DNM3: variants seen among roughly 807,000 people sequenced by gnomAD.
The protein encoded by DNM3 is dynamin-3.
Under a neutral mutation model 101.6 loss-of-function variants are expected in DNM3, and 47 were observed. That is an observed-to-expected ratio of 0.46 (90% CI 0.37 to 0.59). The LOEUF (loss-of-function observed/expected upper bound fraction) is 0.59, where lower values mean the gene tolerates loss of function less well. Ranked by LOEUF, DNM3 falls within the 20% of genes least tolerant of loss-of-function variation. DNM3 has a pLI of 0.00. For missense variants in DNM3, 849 were observed against 1,085.7 expected, an observed-to-expected ratio of 0.78 and a Z score of 3.06; for synonymous variants, 385 against 387.9, an observed-to-expected ratio of 0.99 and a Z score of 0.09.
At chr1:172,269,204 C>A (rs1214151396) in intron 15 of DNM3, among the ~76,000 whole-genome samples, 1 of 152,292 alleles carries the variant, frequency 6.6e-6, no homozygotes, top group East Asian at 1.9e-4. Context: ...CCCAACACGG[C>A]TATGTAAAGT....
chr1:172,079,367 T>C (rs1302782090), intron 11 of DNM3, among the ~76,000 whole-genome samples: 3 of 152,136 alleles, frequency 2.0e-5, no homozygotes, highest in Admixed American at 6.6e-5. Flanking sequence ...CTACATTAAG[T>C]TGATCTTCAA....
chr1:172,061,419 T>A (rs966746542), intron 10 of DNM3, among the ~76,000 whole-genome samples: 1 of 150,720 alleles, frequency 6.6e-6, no homozygotes, highest in Non-Finnish European at 1.5e-5. Context: ...TGCAGCACTA[T>A]TCACAATAGC....
intron 15 of DNM3, among the ~76,000 whole-genome samples, chr1:172,254,423 G>A (rs144291508): frequency 4.7e-4 from 71 of 152,178 alleles, no homozygotes; most frequent in African/African-American, 1.6e-3. Context: ...ATTCAGTTAT[G>A]GCAAATAAAA....
At chr1:172,375,711 T>C (rs145273127) in intron 17 of DNM3, among the ~76,000 whole-genome samples, 206 of 152,138 alleles carry the variant, frequency 1.4e-3, no homozygotes, top group African/African-American at 4.7e-3. Context: ...TTCCCTCACC[T>C]GTTAAAGTAG....
chr1:172,234,754 G>A (rs12402966), intron 14 of DNM3, among the ~76,000 whole-genome samples: 25,312 of 151,688 alleles, frequency 0.17, 2,481 homozygotes, highest in East Asian at 0.28. Context: ...TCTGATCTTC[G>A]ACACCTATTT....
intron 16 of DNM3, among the ~76,000 whole-genome samples, chr1:172,319,459 A>G (rs575861256): frequency 6.6e-6 from 1 of 152,310 alleles, no homozygotes; most frequent in African/African-American, 2.4e-5. Flanking sequence ...GCAAAATGGG[A>G]GAAAATTTTT....
At position 172,108,992 on chromosome 1, in the gene DNM3, A is replaced by G. The variant is rs116250962; in HGVS notation, c.1545+16117A>G. On this transcript the variant is annotated intron_variant, in intron 13 of 20. Coordinates refer to ENST00000627582, the MANE Select transcript of DNM3 (RefSeq NM_015569.5). ...ACTAAATATAGTCATCATAATTTAA[A>G]CAATTTCTAATGCCTATAATTATTA... is the stretch of plus-strand genomic sequence containing the variant. 8.3e-3 allele frequency among the ~76,000 whole-genome samples: 1,272 copies of G among 152,352 alleles called. 27 individuals are homozygous for G. Among genetic ancestry groups the G allele is most frequent in the African/African-American group, 0.029 (1,188 of 41,582 alleles).
At chr1:172,088,929 G>C (rs2053718110) in intron 12 of DNM3, among the ~76,000 whole-genome samples, 1 of 152,170 alleles carries the variant, frequency 6.6e-6, no homozygotes, top group Non-Finnish European at 1.5e-5. Flanking sequence ...TATTTTTATA[G>C]AAGTTTAAAC....
intron 14 of DNM3, among the ~76,000 whole-genome samples, chr1:172,250,607 A>T (rs2148677450): frequency 6.6e-6 from 1 of 152,266 alleles, no homozygotes; most frequent in African/African-American, 2.4e-5. Context: ...GGGACCTGGA[A>T]TAATGTTGTG....
At chr1:172,141,222 TGTAAGAGACCTTTGAAAATGA>T (rs1303252452) in intron 14 of DNM3, among the ~76,000 whole-genome samples, 1 of 152,144 alleles carries the variant, frequency 6.6e-6, no homozygotes, top group Non-Finnish European at 1.5e-5. Flanking sequence ...AAAAATTATT[TGTAAGAGACCTTTGAAAATGA>T]GTAAATATTT....
At chr1:171,875,813 C>CTTTTTTTTT (rs60523795) in intron 1 of DNM3, among the ~76,000 whole-genome samples, 1,781 of 104,466 alleles carry the variant, frequency 0.017, 244 homozygotes, top group African/African-American at 0.028. Flanking sequence ...AGTTGTCTCT[C>CTTTTTTTTT]TTTTTTTTTT....
intron 15 of DNM3, among the ~76,000 whole-genome samples, chr1:172,289,235 G>C (rs1231623638): frequency 2.0e-5 from 3 of 151,920 alleles, no homozygotes; most frequent in Non-Finnish European, 4.4e-5. Context: ...TAAAATCTAG[G>C]GAAAAAGGTA....
chr1:172,128,861 T>C (rs986903230), intron 13 of DNM3, among the ~76,000 whole-genome samples: 5 of 152,198 alleles, frequency 3.3e-5, no homozygotes, highest in African/African-American at 9.7e-5. Context: ...ACTTTATACA[T>C]CATGGCTTTA....
chr1:172,379,061 A>G lies in DNM3; in HGVS notation c.1937A>G (p.Asp646Gly). Residue 646 changes from aspartate (D) to glycine (G), a missense_variant, in exon 18 of 21, where the codon GAC becomes GGC. Transcript: ENST00000627582. ...ENGQAENFSMDPQLERQVETI... is the reference protein window; with the variant it reads ...ENGQAENFSMGPQLERQVETI... ...GGACAAGCAGAAAACTTTTCCATGG[A>G]CCCACAATTGGAGAGGCAAGTGGAG... 2 of 1,612,338 alleles carry G rather than the reference A, an allele frequency of 1.2e-6. No homozygotes were observed. The highest frequency in any genetic ancestry group is 2.2e-5 in the South Asian group (2 of 90,970).
intron 1 of DNM3, among the ~76,000 whole-genome samples, chr1:171,878,113 C>T (rs965856732): frequency 4.7e-5 from 6 of 126,680 alleles, no homozygotes; most frequent in Non-Finnish European, 1.7e-5. Context: ...AAATATAACA[C>T]ATGAAATAAT....
intron 17 of DNM3, among the ~76,000 whole-genome samples, chr1:172,327,238 G>A (rs1347995488): frequency 1.3e-5 from 2 of 152,136 alleles, no homozygotes; most frequent in East Asian, 3.8e-4. Context: ...AGTGGACAAG[G>A]TCAGCCTTCA....
intron 4 of DNM3, among the ~76,000 whole-genome samples, chr1:171,994,626 T>A (rs936037034): frequency 6.6e-6 from 1 of 152,156 alleles, no homozygotes; most frequent in African/African-American, 2.4e-5. Context: ...GATTCTAGGT[T>A]GTACATATAT....
At chr1:172,338,203 C>T (rs922442800) in intron 17 of DNM3, among the ~76,000 whole-genome samples, 1 of 152,168 alleles carries the variant, frequency 6.6e-6, no homozygotes, top group African/African-American at 2.4e-5. Flanking sequence ...GCGTGAGCCA[C>T]TGCACCCCGC....
chr1:172,049,829 A>AAT (rs2050080492), intron 10 of DNM3, among the ~76,000 whole-genome samples: 3 of 152,210 alleles, frequency 2.0e-5, no homozygotes. Context: ...TATGAATATT[A>AAT]GTTCCCAGTT....
Sources: allele counts gnomAD v4.1 joint callset (sites outside exome capture counted in the v4.1 genomes callset), GRCh38; gene constraint gnomAD v4.1.1; transcripts MANE v1.5; gene names NCBI Gene and HGNC (gene_info 2026-07-23, HGNC 2026-07-21).